MKKS: variants seen among roughly 807,000 people sequenced by gnomAD.
The protein encoded by MKKS is MKKS centrosomal shuttling protein.
MKKS carries 29 observed loss-of-function variants against 33.2 expected under a neutral mutation model. That is an observed-to-expected ratio of 0.87 (90% CI 0.65 to 1.19). The LOEUF (loss-of-function observed/expected upper bound fraction) is 1.19, where lower values mean the gene tolerates loss of function less well. Among genes scored for constraint, MKKS ranks in the 50% most tolerant of loss-of-function variants. The probability of loss-of-function intolerance (pLI) is 0.00; values close to 1 mark genes in which losing one functional copy is unlikely to be tolerated. For missense variants in MKKS, 661 were observed against 662.3 expected (o/e 1.00, Z 0.02); for synonymous variants, 260 against 244.0 (o/e 1.07, Z -0.61).
chr20:10,424,329 G>A (rs1353033838), intron 1 of MKKS, among the ~76,000 whole-genome samples: 1 of 152,084 alleles, frequency 6.6e-6, no homozygotes, highest in Non-Finnish European at 1.5e-5. Flanking sequence ...GCTCAGGCAG[G>A]GGGACTGCTT....
intron 2 of MKKS, among the ~76,000 whole-genome samples, chr20:10,415,802 C>A (rs1455343189): frequency 1.3e-5 from 2 of 152,204 alleles, no homozygotes; most frequent in Non-Finnish European, 2.9e-5. Flanking sequence ...GCCATGTTGG[C>A]ACCTCTGTCA....
In MKKS at chr20:10,405,395, G is replaced by A; in HGVS notation, c.1565C>T (p.Pro522Leu). Residue 522 changes from proline to leucine, a missense_variant, in exon 6 of 6, where the codon CCA becomes CTA. Physicochemically the swap from Pro to Leu is moderately conservative, Grantham distance 98. Transcript: ENST00000347364. ...AGCTTCATGTGGAAGGCAGCTTTGT[G>A]GCACAAATGGACGACGTGTGCTTCT... ...FLRSTRRPFV[P>L]QSCLPHEAVG... 6.2e-7 allele frequency: 1 copy of A among 1,614,188 alleles called. No homozygotes were observed. Among genetic ancestry groups the A allele is most frequent in the Non-Finnish European group, 8.5e-7 (1 of 1,180,032 alleles).
At chr20:10,406,145 G>A (rs1222147118) in intron 5 of MKKS, among the ~76,000 whole-genome samples, 1 of 151,956 alleles carries the variant, frequency 6.6e-6, no homozygotes, top group Non-Finnish European at 1.5e-5. Flanking sequence ...ATTTTTATTT[G>A]GAAATCATGA....
At chr20:10,405,749 A>G in intron 5 of MKKS, 62 bp from the exon 6 acceptor site, 2 of 1,377,608 alleles carry the variant, frequency 1.5e-6, no homozygotes, top group Non-Finnish European at 1.0e-6. Context: ...TGTTTCAGAA[A>G]AATAAGATAC....
At chr20:10,432,882 T>A (rs1350976101) in intron 1 of MKKS, among the ~76,000 whole-genome samples, 1 of 151,584 alleles carries the variant, frequency 6.6e-6, no homozygotes, top group East Asian at 1.9e-4. Context: ...AGGCTACTTA[T>A]AATACCTAAT....
chr20:10,422,037 T>C (rs934185577), intron 1 of MKKS, among the ~76,000 whole-genome samples: 2 of 152,142 alleles, frequency 1.3e-5, no homozygotes, highest in African/African-American at 4.8e-5. Context: ...CTGAAAAGAA[T>C]TTCTTATTCC....
chr20:10,408,290 T>G (rs1204679493), intron 4 of MKKS, among the ~76,000 whole-genome samples: 1 of 152,206 alleles, frequency 6.6e-6, no homozygotes, highest in African/African-American at 2.4e-5. Context: ...AAGAAGTGGA[T>G]GATGGGTATT....
intron 2 of MKKS, among the ~76,000 whole-genome samples, chr20:10,418,872 TCTAA>T (rs1259924644): frequency 6.6e-6 from 1 of 152,130 alleles, no homozygotes; most frequent in Admixed American, 6.5e-5. Context: ...TAATAAATTC[TCTAA>T]CTCCCTGCTT....
intron 3 of MKKS, among the ~76,000 whole-genome samples, chr20:10,412,168 C>A (rs1362167602): frequency 6.6e-6 from 1 of 152,134 alleles, no homozygotes; most frequent in Non-Finnish European, 1.5e-5. Flanking sequence ...TACAAAATTA[C>A]TTTCTAAATA....
At chr20:10,429,484 G>A (rs1207921423) in intron 1 of MKKS, among the ~76,000 whole-genome samples, 1 of 152,120 alleles carries the variant, frequency 6.6e-6, no homozygotes, top group Non-Finnish European at 1.5e-5. Flanking sequence ...AACTGCTACT[G>A]TACACCTTTG....
chr20:10,427,034 A>ACACACAGG, intron 1 of MKKS, among the ~76,000 whole-genome samples: 1 of 40,976 alleles, frequency 2.4e-5, no homozygotes, highest in East Asian at 3.2e-4. Flanking sequence ...ACACTGACAC[A>ACACACAGG]CACACACACA....
At chr20:10,417,244 T>TTAA (rs1251005459) in intron 2 of MKKS, among the ~76,000 whole-genome samples, 269 of 19,622 alleles carry the variant, frequency 0.014, 4 homozygotes, top group Admixed American at 0.12. Flanking sequence ...AGACTCCATC[T>TTAA]TAAAAAAAAA....
chr20:10,409,051 T>A lies in MKKS; in HGVS notation c.986-248A>T, dbSNP rs527245955. On this transcript the variant is annotated intron_variant, in intron 3 of 5. Transcript: ENST00000347364. ...GATCTCTTTGAAAATCTTTTAGAAG[T>A]CATTTTGTACTGTCTTCCCAGAAAA... Among the ~76,000 whole-genome samples, 4 of 152,310 alleles carry A rather than the reference T, an allele frequency of 2.6e-5. No individual in the cohort carries two copies. The East Asian group carries it at 7.7e-4, about 29-fold the overall frequency.
At chr20:10,416,385 A>G (rs2064939291) in intron 2 of MKKS, among the ~76,000 whole-genome samples, 1 of 152,208 alleles carries the variant, frequency 6.6e-6, no homozygotes, top group African/African-American at 2.4e-5. Flanking sequence ...TAAGGATGTT[A>G]TTAAAGACTA....
chr20:10,418,602 A>G (rs2064957611), intron 2 of MKKS, among the ~76,000 whole-genome samples: 1 of 152,114 alleles, frequency 6.6e-6, no homozygotes, highest in African/African-American at 2.4e-5. Flanking sequence ...CTATTGCTGC[A>G]CTGGCATCTA....
intron 3 of MKKS, among the ~76,000 whole-genome samples, chr20:10,410,333 T>C (rs761563050): frequency 8.6e-4 from 131 of 151,950 alleles, no homozygotes; most frequent in Non-Finnish European, 1.6e-3. Flanking sequence ...CCAAGTCAAA[T>C]GTTAAAAATG....
rs1407780374 is a variant in MKKS, at chr20:10,420,737, T to C, written c.-627A>G. 6.6e-6 allele frequency: 1 copy of C among 152,196 alleles called. No homozygotes were observed. Among genetic ancestry groups the C allele is most frequent in the Non-Finnish European group, 1.5e-5 (1 of 68,034 alleles). The allele number at this position is 152,196 out of a possible 1,614,324, so 9.4% of individuals were successfully genotyped here. Reference sequence around the variant, plus strand: ...TCTCTCCACAAGTTCCGAAGGCTCATAGTACTTCAGCATCAGTGTACCTAA... The same window carrying C: ...TCTCTCCACAAGTTCCGAAGGCTCACAGTACTTCAGCATCAGTGTACCTAA... On this transcript the variant is annotated 5_prime_UTR_variant, in exon 2 of 6. The change abolishes an upstream ATG in the 5' untranslated region. Transcript: ENST00000347364.
intron 3 of MKKS, among the ~76,000 whole-genome samples, chr20:10,409,800 G>A (rs113343248): frequency 0.015 from 2,226 of 151,498 alleles, 25 homozygotes; most frequent in Non-Finnish European, 0.021. Flanking sequence ...GTGAAACCCC[G>A]TCTCTACTAA....
chr20:10,422,569 TG>T (rs2064988085), intron 1 of MKKS, among the ~76,000 whole-genome samples: 1 of 152,190 alleles, frequency 6.6e-6, no homozygotes. Context: ...TCAGCTGGCC[TG>T]TGTTGATTGA....
Sources: allele counts gnomAD v4.1 joint callset (sites outside exome capture counted in the v4.1 genomes callset), GRCh38; gene constraint gnomAD v4.1.1; transcripts MANE v1.5; gene names NCBI Gene and HGNC (gene_info 2026-07-23, HGNC 2026-07-21).